Variants in STS observed in about 807,000 individuals in gnomAD.
The protein encoded by STS is steryl-sulfatase.
STS carries 7 observed loss-of-function variants against 26.8 expected under a neutral mutation model. That is an observed-to-expected ratio of 0.26 (90% CI 0.15 to 0.49). The LOEUF is 0.49. STS is among the 20% of genes least tolerant of loss of function. The probability of loss-of-function intolerance (pLI) is 0.98; values close to 1 mark genes in which losing one functional copy is unlikely to be tolerated. For missense variants in STS, 434 were observed against 465.6 expected, an observed-to-expected ratio of 0.93 and a Z score of 0.63; for synonymous variants, 199 against 189.4, an observed-to-expected ratio of 1.05 and a Z score of -0.42.
At chrX:7,279,369 GTGTGTGTGTATATATA>G (rs1289584138) in intron 7 of STS, among the ~76,000 whole-genome samples, 2,390 of 91,930 alleles carry the variant, frequency 0.026, 37 homozygotes, top group Non-Finnish European at 0.043. Context: ...ATATGTGTGT[GTGTGTGTGTATATATA>G]TGTGTGTGTA....
chrX:7,248,085 A>G (rs1245536414), intron 2 of STS, among the ~76,000 whole-genome samples: 3 of 112,019 alleles, frequency 2.7e-5, no homozygotes, highest in Non-Finnish European at 3.8e-5. Context: ...AAAAAATTCT[A>G]CTTCAAAATG....
At chrX:7,215,012 A>ACG (rs1569191581) in intron 2 of STS, among the ~76,000 whole-genome samples, 16 of 16,558 alleles carry the variant, frequency 9.7e-4, no homozygotes, top group Middle Eastern at 0.019. Flanking sequence ...ATATATACGT[A>ACG]TATATATATA....
chrX:7,295,449 T>C (rs1346862218), intron 7 of STS, among the ~76,000 whole-genome samples: 1 of 111,435 alleles, frequency 9.0e-6, no homozygotes, highest in East Asian at 2.8e-4. Context: ...TTGTTATGAT[T>C]ACTCTTCTTT....
At chrX:7,289,635 A>T (rs1388903446) in intron 7 of STS, among the ~76,000 whole-genome samples, 1 of 111,190 alleles carries the variant, frequency 9.0e-6, no homozygotes, top group Admixed American at 9.6e-5. Context: ...TCAGATTCCT[A>T]TGATGGTCAT....
At chrX:7,147,632 G>T (rs1156282858), upstream of STS, among the ~76,000 whole-genome samples, 5 of 112,286 alleles carry the variant, frequency 4.5e-5, no homozygotes, top group Admixed American at 2.8e-4. Context: ...CTTTGCAGAC[G>T]GGGAAGCTGA....
chrX:7,166,455 A>G (rs747368879), intron 1 of STS, among the ~76,000 whole-genome samples: 6 of 111,925 alleles, frequency 5.4e-5, no homozygotes, highest in African/African-American at 1.9e-4. Flanking sequence ...CCATGTTGCC[A>G]GATATCACAT....
intron 10 of STS, among the ~76,000 whole-genome samples, chrX:7,339,761 C>T (rs559946064): frequency 3.6e-5 from 4 of 111,873 alleles, no homozygotes; most frequent in African/African-American, 9.7e-5. Context: ...CTTCCCCTAA[C>T]AGTCATTTCC....
intron 7 of STS, among the ~76,000 whole-genome samples, chrX:7,289,014 A>G (rs1192008746): frequency 9.0e-6 from 1 of 110,976 alleles, no homozygotes; most frequent in African/African-American, 3.3e-5. Flanking sequence ...ACTGCAGGAG[A>G]TTGGGAGTGA....
At chrX:7,320,013 T>TTTATATATATTTATATATATATTTATATA (rs1455991734) in intron 8 of STS, among the ~76,000 whole-genome samples, 1,550 of 90,313 alleles carry the variant, frequency 0.017, 35 homozygotes, top group Non-Finnish European at 0.027. Context: ...TATATATATA[T>TTTATATATATTTATATATATATTTATATA]TTATATATAT....
At chrX:7,151,195 C>T (rs765927979) in intron 1 of STS, among the ~76,000 whole-genome samples, 115 of 112,270 alleles carry the variant, frequency 1.0e-3, no homozygotes, top group Middle Eastern at 4.6e-3. Flanking sequence ...GTTCCTGTGT[C>T]TCTGTGCTTT....
intron 7 of STS, among the ~76,000 whole-genome samples, chrX:7,278,041 A>G (rs1221220608): frequency 1.8e-5 from 2 of 112,341 alleles, no homozygotes; most frequent in African/African-American, 6.5e-5. Context: ...AGAAAGTCTA[A>G]CTTCCAGTGT....
At chrX:7,195,140 C>G (rs976104901) in intron 2 of STS, among the ~76,000 whole-genome samples, 2 of 111,997 alleles carry the variant, frequency 1.8e-5, no homozygotes, top group African/African-American at 6.5e-5. Context: ...AGTGTGGAGG[C>G]CGCAATGTTT....
intron 8 of STS, among the ~76,000 whole-genome samples, chrX:7,320,001 TTTA>T (rs1271135443): frequency 0.034 from 3,145 of 91,975 alleles, 152 homozygotes; most frequent in African/African-American, 0.12. Flanking sequence ...TATATATATT[TTTA>T]TATATATATT....
intron 2 of STS, among the ~76,000 whole-genome samples, chrX:7,206,882 C>T (rs1920953822): frequency 8.9e-6 from 1 of 112,166 alleles, no homozygotes; most frequent in Non-Finnish European, 1.9e-5. Flanking sequence ...TTTTTCTGTA[C>T]TCCATTTTAA....
At chrX:7,290,894 A>G (rs1925383370) in intron 7 of STS, among the ~76,000 whole-genome samples, 1 of 111,811 alleles carries the variant, frequency 8.9e-6, no homozygotes, top group Non-Finnish European at 1.9e-5. Context: ...GGAAGCCTTC[A>G]CACAGAGCTT....
At chrX:7,335,294 G>T (rs1927961471) in intron 10 of STS, among the ~76,000 whole-genome samples, 1 of 112,154 alleles carries the variant, frequency 8.9e-6, no homozygotes, top group Non-Finnish European at 1.9e-5. Context: ...TTTAATGATT[G>T]CCATTCTAAC....
intron 2 of STS, among the ~76,000 whole-genome samples, chrX:7,210,523 G>A (rs1920999096): frequency 9.5e-6 from 1 of 105,426 alleles, no homozygotes; most frequent in Non-Finnish European, 1.9e-5. Context: ...AAAAATAGAT[G>A]TATGTATAAT....
intron 7 of STS, among the ~76,000 whole-genome samples, chrX:7,283,257 T>A (rs750376537): frequency 9.0e-6 from 1 of 111,673 alleles, no homozygotes; most frequent in South Asian, 3.8e-4. Flanking sequence ...CAAAGGAAGG[T>A]CACGGCAGAA....
At chrX:7,204,592 C>G (rs1186628337) in intron 2 of STS, among the ~76,000 whole-genome samples, 3 of 92,882 alleles carry the variant, frequency 3.2e-5, no homozygotes, top group African/African-American at 7.9e-5. Context: ...TTCCTCCTTT[C>G]TCTCCATCTT....
Sources: allele counts gnomAD v4.1 joint callset (sites outside exome capture counted in the v4.1 genomes callset), GRCh38; gene constraint gnomAD v4.1.1; transcripts MANE v1.5; gene names NCBI Gene and HGNC (gene_info 2026-07-23, HGNC 2026-07-21).